Variants in MTPAP observed in about 807,000 individuals in gnomAD.
MTPAP encodes the protein mitochondrial poly(A) polymerase.
In MTPAP, 23 loss-of-function variants were observed where a neutral mutation model predicts 48.7. The ratio of observed to expected loss-of-function variants is 0.47; its 90% confidence interval spans 0.34 to 0.67. MTPAP has a LOEUF of 0.67. Among genes scored for constraint, MTPAP ranks in the 30% least tolerant of loss-of-function variants. The pLI is 0.01. For missense variants in MTPAP, 614 were observed against 694.3 expected (o/e 0.88, Z 1.30); for synonymous variants, 257 against 254.1 (o/e 1.01, Z -0.11).
intron 3 of MTPAP, among the ~76,000 whole-genome samples, chr10:30,338,303 CATAACAACATAACAT>C (rs1385933660): frequency 1.1e-4 from 17 of 150,502 alleles, no homozygotes; most frequent in Non-Finnish European, 2.5e-4. Flanking sequence ...ATAACATTAA[CATAACAACATAACAT>C]TAACATAACA....
chr10:30,313,610 CATG>C lies in MTPAP; in HGVS notation c.1745_1747del (p.Thr582_Ter583delinsArg). The stretch of plus-strand genomic sequence containing the variant: ...GTTCTTTACACAATGTAGCAGCCAT[CATG>C]TCTGAGTACTAATTGTTCTCTTCCC... On this transcript the variant is annotated stop_lost and inframe_deletion, in exon 9 of 9. Transcript: ENST00000263063. 6.2e-7 allele frequency: 1 copy of C among 1,614,230 alleles called. No individual in the cohort carries two copies. Among genetic ancestry groups the C allele is most frequent in the Non-Finnish European group, 8.5e-7 (1 of 1,180,024 alleles).
At chr10:30,322,694 A>G (rs1029004272) in intron 5 of MTPAP, 77 bp from the exon 6 acceptor site, 2 of 952,138 alleles carry the variant, frequency 2.1e-6, no homozygotes, top group Non-Finnish European at 3.3e-6. Context: ...TCAAACCAAG[A>G]AACACATCTA....
At chr10:30,348,989 G>A in intron 1 of MTPAP, 130 bp downstream of exon 1, 2 of 1,358,100 alleles carry the variant, frequency 1.5e-6, no homozygotes, top group African/African-American at 1.4e-5. Context: ...GAGGAGAGGA[G>A]AGGACAGGAC....
chr10:30,331,688 T>C (rs371997505), intron 4 of MTPAP, among the ~76,000 whole-genome samples: 46 of 152,330 alleles, frequency 3.0e-4, no homozygotes, highest in East Asian at 9.6e-4. Flanking sequence ...TGCCTCAGCC[T>C]CCTGAAGAGC....
chr10:30,323,911 T>A (rs183283471), intron 5 of MTPAP, among the ~76,000 whole-genome samples: 98 of 152,312 alleles, frequency 6.4e-4, no homozygotes, highest in African/African-American at 2.2e-3. Context: ...CTGGGTACAG[T>A]AGCTCACACC....
chr10:30,330,444 T>C (rs973030625), intron 4 of MTPAP, among the ~76,000 whole-genome samples: 14 of 152,242 alleles, frequency 9.2e-5, no homozygotes, highest in Non-Finnish European at 2.9e-5. Flanking sequence ...GGAGTCATGG[T>C]GGACTCAATC....
chr10:30,335,961 G>T (rs1040505169), intron 4 of MTPAP, among the ~76,000 whole-genome samples: 6 of 152,170 alleles, frequency 3.9e-5, no homozygotes, highest in African/African-American at 1.4e-4. Flanking sequence ...AGTGAGCCGA[G>T]ATTGCACCAT....
chr10:30,338,241 C>T (rs1834752087), intron 3 of MTPAP, among the ~76,000 whole-genome samples: 2 of 152,050 alleles, frequency 1.3e-5, no homozygotes, highest in South Asian at 2.1e-4. Flanking sequence ...GCCTGGGCAA[C>T]AGAGCAAGAC....
chr10:30,333,038 G>T (rs1164475184), intron 4 of MTPAP, among the ~76,000 whole-genome samples: 3 of 151,908 alleles, frequency 2.0e-5, no homozygotes, highest in African/African-American at 7.3e-5. Flanking sequence ...GGAGAATAGT[G>T]TGAACCCGGG....
intron 4 of MTPAP, among the ~76,000 whole-genome samples, chr10:30,329,917 A>G (rs1403311513): frequency 6.6e-6 from 1 of 152,050 alleles, no homozygotes; most frequent in Non-Finnish European, 1.5e-5. Flanking sequence ...TGGGGGAAAA[A>G]AAATGAAGTT....
At chr10:30,315,516 A>AC (rs1247065841) in intron 8 of MTPAP, among the ~76,000 whole-genome samples, 2 of 141,970 alleles carry the variant, frequency 1.4e-5, no homozygotes, top group Admixed American at 7.5e-5. Context: ...AAAAAAAAAC[A>AC]AAACAAAACA....
rs552779657 is a variant in MTPAP at position 30,320,563 on chromosome 10, A to G, written c.1219+1828T>C. Among the ~76,000 whole-genome samples, 3 of 152,220 alleles carry G rather than the reference A, an allele frequency of 2.0e-5. No homozygotes were observed. The South Asian group carries it at 6.2e-4, about 32-fold the overall frequency. On this transcript the variant is annotated intron_variant, in intron 6 of 8. Transcript: ENST00000263063. ...AAATAAAATTTTTAAAAAAATAGTG[A>G]CCATTTTTAAAAAAGATAATAGAAA...
chr10:30,327,304 A>G (rs930786738), intron 4 of MTPAP, among the ~76,000 whole-genome samples: 1 of 149,914 alleles, frequency 6.7e-6, no homozygotes, highest in African/African-American at 2.5e-5. Flanking sequence ...CCTGGCCAAC[A>G]TGGTGAAACC....
At chr10:30,328,590 T>C (rs1317959537) in intron 4 of MTPAP, among the ~76,000 whole-genome samples, 1 of 152,208 alleles carries the variant, frequency 6.6e-6, no homozygotes, top group East Asian at 1.9e-4. Flanking sequence ...TCATTCCTCC[T>C]AAAAGGATGA....
At position 30,326,767 on chromosome 10, in the gene MTPAP, T is replaced by C; in HGVS notation, c.781-132A>G. On this transcript the variant is annotated intron_variant, in intron 4 of 8. Coordinates refer to ENST00000263063, the MANE Select transcript of MTPAP (RefSeq NM_018109.4). ...AATAAGAAAAAAACAACCCACAAAA[T>C]AAAAACTCTTCAAGAAATCACAGCC... 3 of 711,950 alleles carry C rather than the reference T, an allele frequency of 4.2e-6. No individual in the cohort carries two copies. The South Asian group carries it at 5.3e-5, about 13-fold the overall frequency. The allele number at this position is 711,950 out of a possible 1,614,324, so 44.1% of individuals were successfully genotyped here. A position where few individuals can be genotyped will look rare whatever the true frequency, so the allele number is the denominator to read the frequency against.
Position 30,313,820 on chromosome 10 carries a change from T to C in MTPAP, c.1538A>G (p.Asp513Gly). ...ACTTGATATGGAAGGTCGATCTGTA[T>C]CTTCCTGTTGTAAAATCCAGGCACT... ...RESAWILQQE[D>G]TDRPSISSNR... Residue 513 changes from aspartate to glycine, a missense_variant, in exon 9 of 9, where the codon GAT becomes GGT. By Grantham distance (94) the Asp-to-Gly change is moderately conservative. Around this residue, in one of 5 missense-constraint regions of MTPAP, gnomAD observed 109 missense variants for 100.5 expected, o/e 1.08. Coordinates refer to ENST00000263063, the MANE Select transcript of MTPAP (RefSeq NM_018109.4). 2 of 1,614,214 alleles carry C rather than the reference T, an allele frequency of 1.2e-6. No individual in the cohort carries two copies. The highest frequency in any genetic ancestry group is 1.7e-6 in the Non-Finnish European group (2 of 1,180,024).
chr10:30,343,641 C>T (rs1834838048), intron 1 of MTPAP, among the ~76,000 whole-genome samples: 1 of 152,054 alleles, frequency 6.6e-6, no homozygotes, highest in African/African-American at 2.4e-5. Context: ...AACCCCAGCT[C>T]ACTGCAATCT....
Position 30,322,574 on chromosome 10 carries a change from G to A in MTPAP, c.1036C>T (p.Leu346=), listed in dbSNP as rs775249623. 5.6e-6 allele frequency: 9 copies of A among 1,613,834 alleles called. No homozygotes were observed. The highest frequency in any genetic ancestry group is 7.6e-6 in the Non-Finnish European group (9 of 1,179,948). ...ACCAAGGCTCTCACTCTTGAGTCTAGGGCACCATATATATAAAGGAGTTCG... is the reference window on the plus strand; with the variant it reads ...ACCAAGGCTCTCACTCTTGAGTCTAAGGCACCATATATATAAAGGAGTTCG... ...SSELLYIYGA[L]DSRVRALVFS... The change falls in exon 6 of 9, where the codon CTA becomes TTA. Residue 346 remains leucine, a synonymous_variant. Transcript: ENST00000263063.
At chr10:30,336,407 A>G (rs1212981012) in intron 4 of MTPAP, among the ~76,000 whole-genome samples, 1 of 152,178 alleles carries the variant, frequency 6.6e-6, no homozygotes, top group East Asian at 1.9e-4. Context: ...AACAAAAATC[A>G]AAAGAATTTT....
Sources: gnomAD v4.1 joint callset for allele counts (sites outside exome capture counted in the v4.1 genomes callset) on GRCh38, gnomAD v4.1.1 for gene constraint, gnomAD v4.1.1 regional missense constraint, MANE v1.5 for transcripts, NCBI Gene and HGNC (gene_info 2026-07-23, HGNC 2026-07-21) for gene names.